Variants in EPHA7 observed in about 807,000 individuals in gnomAD.
The protein encoded by EPHA7 is ephrin type-A receptor 7.
A neutral mutation model predicts 112.6 loss-of-function variants in EPHA7; 25 were observed. That is an observed-to-expected ratio of 0.22 (90% CI 0.16 to 0.31). The LOEUF (loss-of-function observed/expected upper bound fraction) is 0.31, where lower values mean the gene tolerates loss of function less well. Among genes scored for constraint, EPHA7 ranks in the 10% least tolerant of loss-of-function variants. The pLI is 1.00. For synonymous variants in EPHA7, 437 were observed against 406.5 expected (o/e 1.07, Z -0.90); for missense variants, 962 against 1,212.6 (o/e 0.79, Z 3.07).
intron 1 of EPHA7, among the ~76,000 whole-genome samples, chr6:93,417,255 C>A (rs72916103): frequency 0.013 from 1,904 of 152,194 alleles, 16 homozygotes; most frequent in Non-Finnish European, 0.02. Flanking sequence ...CCAGGAGGCC[C>A]GGCACCTGCT....
chr6:93,299,258 G>A (rs1261076383), intron 5 of EPHA7, among the ~76,000 whole-genome samples: 2 of 151,748 alleles, frequency 1.3e-5, no homozygotes, highest in South Asian at 2.1e-4. Context: ...CCCGGGAGGC[G>A]GAGCTTGCAG....
chr6:93,297,360 T>C (rs560245802), intron 5 of EPHA7, among the ~76,000 whole-genome samples: 17 of 152,188 alleles, frequency 1.1e-4, no homozygotes, highest in African/African-American at 4.1e-4. Context: ...CTGAGGAAAA[T>C]GAATTTACTT....
intron 5 of EPHA7, among the ~76,000 whole-genome samples, chr6:93,282,354 A>T (rs1392248048): frequency 2.0e-5 from 3 of 152,236 alleles, no homozygotes; most frequent in Non-Finnish European, 4.4e-5. Context: ...AATTTCCCAA[A>T]TACTTTTCCA....
chr6:93,245,158 T>C, intron 16 of EPHA7, 140 bp downstream of exon 16: 1 of 758,496 alleles, frequency 1.3e-6, no homozygotes, highest in Non-Finnish European at 2.1e-6. Context: ...TGGTACGCAG[T>C]AAGAACTTGT....
At chr6:93,358,457 G>T in intron 3 of EPHA7, 46 bp from the exon 4 acceptor site, 5 of 1,491,294 alleles carry the variant, frequency 3.4e-6, no homozygotes, top group South Asian at 1.3e-5. Context: ...AGAGCAAATC[G>T]ATCTTTAAAA....
intron 5 of EPHA7, among the ~76,000 whole-genome samples, chr6:93,310,405 G>A (rs1395592890): frequency 2.0e-5 from 3 of 152,264 alleles, no homozygotes; most frequent in African/African-American, 7.2e-5. Context: ...GGTGGCTCAC[G>A]CCTGTAATCC....
At chr6:93,260,481 CA>C (rs1770637583) in intron 9 of EPHA7, 1 of 916,134 alleles carries the variant, frequency 1.1e-6, no homozygotes. Flanking sequence ...ACTATATCCT[CA>C]AAAAAACTTT....
chr6:93,277,819 C>A (rs1771541159), intron 5 of EPHA7, among the ~76,000 whole-genome samples: 1 of 151,446 alleles, frequency 6.6e-6, no homozygotes, highest in East Asian at 1.9e-4. Flanking sequence ...ACTAAAAAGA[C>A]AATTTGACTA....
intron 7 of EPHA7, among the ~76,000 whole-genome samples, chr6:93,269,018 T>C (rs1771080699): frequency 1.3e-5 from 2 of 151,788 alleles, no homozygotes; most frequent in Non-Finnish European, 2.9e-5. Context: ...TTTGAAATCA[T>C]TGCTAAAGGG....
At chr6:93,298,397 CA>C (rs2127846139) in intron 5 of EPHA7, among the ~76,000 whole-genome samples, 1 of 152,084 alleles carries the variant, frequency 6.6e-6, no homozygotes, top group South Asian at 2.1e-4. Context: ...AACATCATAT[CA>C]GAGCCATAAA....
At chr6:93,331,322 A>G (rs1233975942) in intron 5 of EPHA7, among the ~76,000 whole-genome samples, 3 of 151,494 alleles carry the variant, frequency 2.0e-5, no homozygotes, top group South Asian at 4.2e-4. Flanking sequence ...AAGATCTTCA[A>G]TAATATCTTT....
chr6:93,344,213 T>C (rs184293860), intron 5 of EPHA7, among the ~76,000 whole-genome samples: 12 of 151,798 alleles, frequency 7.9e-5, no homozygotes, highest in African/African-American at 2.9e-4. Context: ...ATATTAATGA[T>C]ACTATCTTAG....
At chr6:93,315,930 C>A (rs1773785608) in intron 5 of EPHA7, among the ~76,000 whole-genome samples, 1 of 152,036 alleles carries the variant, frequency 6.6e-6, no homozygotes, top group South Asian at 2.1e-4. Context: ...GAATATGCAC[C>A]CTAAACTATA....
chr6:93,381,955 G>C (rs762979827), intron 3 of EPHA7, among the ~76,000 whole-genome samples: 6 of 152,054 alleles, frequency 3.9e-5, no homozygotes, highest in African/African-American at 1.4e-4. Flanking sequence ...TCTATGCCTA[G>C]ATAATCATTT....
intron 5 of EPHA7, among the ~76,000 whole-genome samples, chr6:93,287,829 G>A (rs1008956653): frequency 7.7e-4 from 117 of 151,952 alleles, no homozygotes; most frequent in Non-Finnish European, 9.4e-4. Flanking sequence ...CATATGAAAA[G>A]ATGTTCATCA....
intron 5 of EPHA7, among the ~76,000 whole-genome samples, chr6:93,291,064 T>C (rs1300026726): frequency 2.0e-5 from 3 of 152,214 alleles, no homozygotes; most frequent in Non-Finnish European, 4.4e-5. Flanking sequence ...TTCTTTAAAA[T>C]GAGTAAATTT....
At chr6:93,362,208 A>AT (rs1399541943) in intron 3 of EPHA7, among the ~76,000 whole-genome samples, 1 of 151,998 alleles carries the variant, frequency 6.6e-6, no homozygotes, top group Non-Finnish European at 1.5e-5. Context: ...TGTTCTTTAA[A>AT]TGCAAAACCA....
At chr6:93,374,782 A>C (rs1412544093) in intron 3 of EPHA7, among the ~76,000 whole-genome samples, 1 of 152,190 alleles carries the variant, frequency 6.6e-6, no homozygotes. Flanking sequence ...TAATACAGGA[A>C]TAATAGTGAC....
chr6:93,272,221 C>G (rs1346035419), intron 6 of EPHA7, 77 bp downstream of exon 6: 1 of 1,521,668 alleles, frequency 6.6e-7, no homozygotes, highest in African/African-American at 1.4e-5. Flanking sequence ...GCATAATGAC[C>G]AACTTTAGTC....
Sources: gnomAD v4.1 joint callset for allele counts (sites outside exome capture counted in the v4.1 genomes callset) on GRCh38, gnomAD v4.1.1 for gene constraint, MANE v1.5 for transcripts, NCBI Gene and HGNC (gene_info 2026-07-23, HGNC 2026-07-21) for gene names.